Variants in SLC9B1 observed in about 807,000 individuals in gnomAD.
The protein encoded by SLC9B1 is sodium/hydrogen exchanger 9B1.
SLC9B1 carries 32 observed loss-of-function variants against 51.7 expected under a neutral mutation model. The observed-to-expected ratio is 0.62, with a 90% CI of 0.47 to 0.83. The LOEUF (loss-of-function observed/expected upper bound fraction) is 0.83, where lower values mean the gene tolerates loss of function less well. Among genes scored for constraint, SLC9B1 ranks in the 40% least tolerant of loss-of-function variants. The pLI is 0.00. For synonymous variants in SLC9B1, 145 were observed against 212.7 expected (o/e 0.68, Z 2.77); for missense variants, 406 against 613.2 (o/e 0.66, Z 3.57).
chr4:102,910,050 C>G (rs1337290091), intron 9 of SLC9B1, among the ~76,000 whole-genome samples: 1 of 151,934 alleles, frequency 6.6e-6, no homozygotes, highest in Admixed American at 6.6e-5. Flanking sequence ...CCTGACCCCA[C>G]GCGATCTGTC....
At chr4:102,971,599 A>G (rs1738763820) in intron 3 of SLC9B1, among the ~76,000 whole-genome samples, 1 of 152,204 alleles carries the variant, frequency 6.6e-6, no homozygotes, top group Non-Finnish European at 1.5e-5. Context: ...AAGAGCACAC[A>G]AATTCAAAAT....
chr4:103,011,346 C>A (rs1031615098), intron 1 of SLC9B1, among the ~76,000 whole-genome samples: 15 of 152,168 alleles, frequency 9.9e-5, no homozygotes, highest in African/African-American at 3.6e-4. Flanking sequence ...GGGAGCCTTG[C>A]CTGCATGGCT....
chr4:102,979,755 A>G (rs1168802161), intron 3 of SLC9B1, among the ~76,000 whole-genome samples: 2 of 152,188 alleles, frequency 1.3e-5, no homozygotes, highest in Non-Finnish European at 2.9e-5. Context: ...TTAGGCTCAC[A>G]GCAAAATTGA....
intron 7 of SLC9B1, among the ~76,000 whole-genome samples, chr4:102,930,421 T>C (rs1057497710): frequency 5.9e-5 from 9 of 152,226 alleles, no homozygotes; most frequent in Non-Finnish European, 2.9e-5. Context: ...ATTTTTTAAA[T>C]TAAAAAAAAA....
intron 3 of SLC9B1, among the ~76,000 whole-genome samples, chr4:102,959,225 C>CATATATAT (rs534508678): frequency 1.8e-3 from 240 of 132,000 alleles, no homozygotes; most frequent in African/African-American, 7.1e-3. Context: ...AGGAGACATA[C>CATATATAT]ATATATATAT....
At chr4:102,928,491 A>G (rs1736298618) in intron 7 of SLC9B1, among the ~76,000 whole-genome samples, 1 of 152,148 alleles carries the variant, frequency 6.6e-6, no homozygotes, top group African/African-American at 2.4e-5. Context: ...ACTTTCCCAC[A>G]TCTTCTGGTC....
rs369558701 is a variant in SLC9B1 at position 102,974,185 on chromosome 4, C to T, written c.211+15615G>A. On this transcript the variant is annotated intron_variant, in intron 3 of 11. Coordinates refer to ENST00000296422, the MANE Select transcript of SLC9B1 (RefSeq NM_139173.4). ...TGGGGAGGCAGAGGTTGCAGTGAGC[C>T]GAGATTGGGCCACTGCATTCCAGCC... Among the ~76,000 whole-genome samples, 8 of 129,768 alleles carry T rather than the reference C, an allele frequency of 6.2e-5. 1 individual carries two copies. The South Asian group carries it at 1.8e-3, about 29-fold the overall frequency. The allele number at this position is 129,768 out of a possible 152,430, so 85.1% of individuals were successfully genotyped here. A position where few individuals can be genotyped will look rare whatever the true frequency, so the allele number is the denominator to read the frequency against.
At chr4:102,927,297 A>G (rs769971617) in intron 7 of SLC9B1, among the ~76,000 whole-genome samples, 2 of 152,228 alleles carry the variant, frequency 1.3e-5, no homozygotes. Context: ...AGAAACTGCC[A>G]TCAGAGTGAA....
At chr4:102,886,285 A>G (rs983729984) in intron 11 of SLC9B1, among the ~76,000 whole-genome samples, 1 of 151,982 alleles carries the variant, frequency 6.6e-6, no homozygotes, top group Admixed American at 6.6e-5. Context: ...TCAGGGGTTC[A>G]AGAACAGCCT....
chr4:102,964,951 A>G (rs1738342714), intron 3 of SLC9B1, among the ~76,000 whole-genome samples: 1 of 151,800 alleles, frequency 6.6e-6, no homozygotes, highest in Non-Finnish European at 1.5e-5. Context: ...AAAAAAGACA[A>G]CTCTTTTTAT....
At chr4:102,980,292 A>T (rs1308647280) in intron 3 of SLC9B1, among the ~76,000 whole-genome samples, 1 of 152,224 alleles carries the variant, frequency 6.6e-6, no homozygotes, top group African/African-American at 2.4e-5. Flanking sequence ...AGACACATGC[A>T]CATGGATGTT....
At chr4:102,949,175 A>T (rs536153507) in intron 4 of SLC9B1, 82 bp downstream of exon 4, 1 of 1,141,030 alleles carries the variant, frequency 8.8e-7, no homozygotes, top group East Asian at 2.4e-5. Context: ...AATATTTCTG[A>T]ATTATAACTA....
chr4:102,893,281 C>CAAAAAAAAAAAA (rs58316456), intron 11 of SLC9B1, among the ~76,000 whole-genome samples: 575 of 34,954 alleles, frequency 0.016, 16 homozygotes, highest in African/African-American at 0.021. Context: ...GACTCCATCT[C>CAAAAAAAAAAAA]AAAAAAAAAA....
chr4:102,913,401 A>T (rs1281086581), intron 7 of SLC9B1, among the ~76,000 whole-genome samples: 2 of 152,164 alleles, frequency 1.3e-5, no homozygotes, highest in African/African-American at 4.8e-5. Context: ...GCAATGTATA[A>T]ACCCAAAGAA....
At chr4:102,970,046 C>T (rs751136450) in intron 3 of SLC9B1, among the ~76,000 whole-genome samples, 41 of 152,216 alleles carry the variant, frequency 2.7e-4, no homozygotes, top group African/African-American at 9.6e-4. Flanking sequence ...AGAATGGAAC[C>T]AAGTTGGAAA....
chr4:102,984,560 CAG>C (rs1739519539), intron 3 of SLC9B1, among the ~76,000 whole-genome samples: 1 of 152,082 alleles, frequency 6.6e-6, no homozygotes, highest in Non-Finnish European at 1.5e-5. Context: ...GGTCTGAGAG[CAG>C]AGATTGCATC....
chr4:102,917,429 G>GTATCTATATCTATATCTATATCTA (rs70941638), intron 7 of SLC9B1, among the ~76,000 whole-genome samples: 20 of 139,324 alleles, frequency 1.4e-4, no homozygotes, highest in Non-Finnish European at 1.9e-4. Flanking sequence ...TTATATGCAT[G>GTATCTATATCTATATCTATATCTA]TATCTATATC....
chr4:102,921,792 C>T (rs1378490804), intron 7 of SLC9B1, among the ~76,000 whole-genome samples: 9 of 152,026 alleles, frequency 5.9e-5, no homozygotes, highest in Admixed American at 3.3e-4. Context: ...TTTAAACCAA[C>T]AAAGATCAAA....
chr4:103,009,913 T>A (rs1741003343), intron 1 of SLC9B1, among the ~76,000 whole-genome samples: 1 of 106,276 alleles, frequency 9.4e-6, no homozygotes, highest in Non-Finnish European at 1.9e-5. Context: ...TCAAACTAGG[T>A]CAGTATTTTT....
Sources: allele counts gnomAD v4.1 joint callset (sites outside exome capture counted in the v4.1 genomes callset), GRCh38; gene constraint gnomAD v4.1.1; transcripts MANE v1.5; gene names NCBI Gene and HGNC (gene_info 2026-07-23, HGNC 2026-07-21).